Variants in CCDC91 observed in about 807,000 individuals in gnomAD.
CCDC91 encodes the protein coiled-coil domain containing 91.
A neutral mutation model predicts 63.2 loss-of-function variants in CCDC91; 48 were observed. That is an observed-to-expected ratio of 0.76 (90% confidence interval 0.60 to 0.97). The LOEUF (loss-of-function observed/expected upper bound fraction) is 0.97. Ranked by LOEUF, CCDC91 falls within the 50% of genes least tolerant of loss-of-function variation. The pLI, the probability that CCDC91 is intolerant of heterozygous loss-of-function variation, is 0.00. For missense variants in CCDC91, 500 were observed against 494.6 expected, an observed-to-expected ratio of 1.01 and a Z score of -0.10; for synonymous variants, 167 against 165.8, an observed-to-expected ratio of 1.01 and a Z score of -0.06.
intron 11 of CCDC91, among the ~76,000 whole-genome samples, chr12:28,472,988 G>A (rs1950897420): frequency 6.6e-6 from 1 of 152,104 alleles, no homozygotes; most frequent in South Asian, 2.1e-4. Flanking sequence ...GTATAAAGGA[G>A]CTAGACTTTG....
In CCDC91 at chr12:28,208,460, A is replaced by G. The variant is rs867591308; in HGVS notation, c.-15+17819A>G. Among the ~76,000 whole-genome samples the G allele has an allele frequency of 2.0e-5, 3 of 152,214 alleles. No homozygotes were observed. In the South Asian group the frequency reaches 6.2e-4, roughly 31 times the overall value. On this transcript the variant is annotated intron_variant, in intron 1 of 12. Coordinates refer to ENST00000536442, the MANE Select transcript of CCDC91 (RefSeq NM_018318.5). ...TATTTTTATTTTGATAAAGTTTCCC[A>G]TGTAACTTAACATGCCAAATAATCC...
chr12:28,414,623 A>T (rs1414764419), intron 8 of CCDC91, among the ~76,000 whole-genome samples: 4 of 152,124 alleles, frequency 2.6e-5, no homozygotes, highest in Non-Finnish European at 2.9e-5. Context: ...CAGGCATTTG[A>T]TCACACTTGG....
chr12:28,250,255 CAG>C (rs1419512774), intron 1 of CCDC91, among the ~76,000 whole-genome samples: 1 of 152,070 alleles, frequency 6.6e-6, no homozygotes, highest in Admixed American at 6.6e-5. Flanking sequence ...TAATTGATAA[CAG>C]ATGAAAATTA....
chr12:28,544,628 A>G (rs918050212), intron 12 of CCDC91, among the ~76,000 whole-genome samples: 1 of 152,066 alleles, frequency 6.6e-6, no homozygotes, highest in African/African-American at 2.4e-5. Context: ...ACACATACAC[A>G]TACACACATA....
chr12:28,514,460 T>G (rs11049686), intron 12 of CCDC91, among the ~76,000 whole-genome samples: 4,475 of 151,534 alleles, frequency 0.03, 100 homozygotes, highest in African/African-American at 0.058. Context: ...TAGTTTTTTT[T>G]TTTGTTTGTT....
intron 12 of CCDC91, among the ~76,000 whole-genome samples, chr12:28,503,058 G>A (rs1459481602): frequency 1.3e-5 from 2 of 152,128 alleles, no homozygotes; most frequent in African/African-American, 2.4e-5. Flanking sequence ...AAAAGCAATG[G>A]CAACAAAAGC....
At position 28,361,921 on chromosome 12, in the gene CCDC91, A is replaced by G. The variant is rs139557986; in HGVS notation, c.577-517A>G. On this transcript the variant is annotated intron_variant, in intron 6 of 12. Transcript: ENST00000536442. ...GTTTCTTTTTGTTTTTTCTGTTGTC[A>G]TTTCTGATAATTTTGTTTTGGAAGC... Among the ~76,000 whole-genome samples the G allele has an allele frequency of 2.1e-4, 32 of 151,888 alleles. 1 individual carries two copies. In the East Asian group the frequency reaches 2.5e-3, roughly 12 times the overall value.
chr12:28,513,704 A>G (rs2141313176), intron 12 of CCDC91, among the ~76,000 whole-genome samples: 1 of 151,980 alleles, frequency 6.6e-6, no homozygotes, highest in Non-Finnish European at 1.5e-5. Context: ...GCATTAAGAA[A>G]ACATTTGTAT....
rs565389914 is a variant in CCDC91, at chr12:28,463,820, T to C, written c.1101+11166T>C. Among the ~76,000 whole-genome samples, 4 of 152,224 alleles carry C rather than the reference T, an allele frequency of 2.6e-5. No individual in the cohort carries two copies. In the East Asian group the frequency reaches 7.7e-4, roughly 29 times the overall value. ...TTTTTTTTGAAGAAGTATAGCAAGA[T>C]GGTGGAATAGAAGGCTTCACTGACC... On this transcript the variant is annotated intron_variant, in intron 11 of 12. Transcript: ENST00000536442.
intron 8 of CCDC91, among the ~76,000 whole-genome samples, chr12:28,437,358 A>G (rs1023978024): frequency 6.6e-6 from 1 of 152,014 alleles, no homozygotes; most frequent in African/African-American, 2.4e-5. Context: ...TGCACTTTCT[A>G]AAGAATGTTG....
chr12:28,276,252 G>T (rs1948219951), intron 3 of CCDC91, among the ~76,000 whole-genome samples: 1 of 151,862 alleles, frequency 6.6e-6, no homozygotes, highest in Non-Finnish European at 1.5e-5. Context: ...ATGATTTTCA[G>T]AATTTTTGAG....
intron 12 of CCDC91, among the ~76,000 whole-genome samples, chr12:28,506,116 C>T (rs1565491974): frequency 6.6e-6 from 1 of 152,096 alleles, no homozygotes; most frequent in East Asian, 1.9e-4. Context: ...TACATAGCTA[C>T]TCTGTATCTA....
intron 12 of CCDC91, among the ~76,000 whole-genome samples, chr12:28,529,766 A>G (rs1424265265): frequency 6.6e-6 from 1 of 152,200 alleles, no homozygotes; most frequent in African/African-American, 2.4e-5. Context: ...AATTTGGAAA[A>G]TAACTTGTTT....
rs1357245923 is a variant in CCDC91, at chr12:28,504,455, C to T, written c.1215+20290C>T. Among the ~76,000 whole-genome samples the T allele has an allele frequency of 4.0e-5, 6 of 151,894 alleles. No individual in the cohort carries two copies. In the East Asian group the frequency reaches 5.8e-4, roughly 15 times the overall value. The stretch of plus-strand genomic sequence containing the variant: ...GCTCTAATGGATCAGAGAACACTTC[C>T]CAGCATAGTAATTTCTAAGCTAAAA... On this transcript the variant is annotated intron_variant, in intron 12 of 12. Transcript: ENST00000536442.
At chr12:28,319,661 C>T (rs1940274180) in intron 6 of CCDC91, among the ~76,000 whole-genome samples, 1 of 151,316 alleles carries the variant, frequency 6.6e-6, no homozygotes, top group African/African-American at 2.4e-5. Flanking sequence ...AATGTGAATG[C>T]TATGTAAATT....
intron 6 of CCDC91, among the ~76,000 whole-genome samples, chr12:28,323,846 T>G (rs963942876): frequency 6.6e-6 from 1 of 151,870 alleles, no homozygotes; most frequent in Admixed American, 6.6e-5. Flanking sequence ...ATGACCTGTG[T>G]GAAAAACTGC....
chr12:28,264,607 G>GTGTGTGTGTC (rs1555169659), intron 3 of CCDC91, among the ~76,000 whole-genome samples: 3 of 150,538 alleles, frequency 2.0e-5, no homozygotes, highest in African/African-American at 7.3e-5. Flanking sequence ...GTGTGTGTGT[G>GTGTGTGTGTC]TGTGTGTGTG....
At chr12:28,412,525 G>C (rs954236958) in intron 8 of CCDC91, among the ~76,000 whole-genome samples, 1 of 152,102 alleles carries the variant, frequency 6.6e-6, no homozygotes, top group Non-Finnish European at 1.5e-5. Flanking sequence ...GTGGGATCGT[G>C]GTCTTGCTGA....
At chr12:28,498,814 G>A (rs1952457577) in intron 12 of CCDC91, among the ~76,000 whole-genome samples, 1 of 151,622 alleles carries the variant, frequency 6.6e-6, no homozygotes, top group South Asian at 2.1e-4. Flanking sequence ...GCACTCTTAA[G>A]TGCTAGGGAT....
Sources: allele counts gnomAD v4.1 joint callset (sites outside exome capture counted in the v4.1 genomes callset), GRCh38; gene constraint gnomAD v4.1.1; transcripts MANE v1.5; gene names NCBI Gene and HGNC (gene_info 2026-07-23, HGNC 2026-07-21).